Variants in ADGRD1 observed in about 807,000 individuals in gnomAD.
The protein encoded by ADGRD1 is adhesion G protein-coupled receptor D1.
ADGRD1 carries 77 observed loss-of-function variants against 113.4 expected under a neutral mutation model. That is an observed-to-expected ratio of 0.68 (90% CI 0.57 to 0.82). The LOEUF (loss-of-function observed/expected upper bound fraction) is 0.82, where lower values mean the gene tolerates loss of function less well. Ranked by LOEUF, ADGRD1 falls within the 40% of genes least tolerant of loss-of-function variation. ADGRD1 has a pLI of 0.00. For synonymous variants in ADGRD1, 474 were observed against 475.0 expected (o/e 1.00, Z 0.03); for missense variants, 1,036 against 1,139.1 (o/e 0.91, Z 1.30).
chr12:131,017,200 C>T (rs2136835167), intron 13 of ADGRD1, among the ~76,000 whole-genome samples: 1 of 152,158 alleles, frequency 6.6e-6, no homozygotes, highest in South Asian at 2.1e-4. Context: ...CACGCATACA[C>T]ACACATGCAC....
Position 131,041,029 on chromosome 12 carries a change from C to T in ADGRD1, c.1473+26689C>T, listed in dbSNP as rs1882083363. On this transcript the variant is annotated intron_variant, in intron 13 of 24. Coordinates refer to ENST00000261654, the MANE Select transcript of ADGRD1 (RefSeq NM_198827.5). This position sits in a 1 kb window ranked among gnomAD's most constrained non-coding sequence, Gnocchi z 4.4. ...GCCCCCCCGGAGTTTGCCATCATCC[C>T]CACCTGGATGGTCCCTGGGGACATC... is the stretch of plus-strand genomic sequence containing the variant. 6.6e-6 allele frequency among the ~76,000 whole-genome samples: 1 copy of T among 152,226 alleles called. No individual in the cohort carries two copies. The highest frequency in any genetic ancestry group is 1.9e-4 in the East Asian group (1 of 5,204).
At chr12:131,045,780 G>A (rs1259197260) in intron 13 of ADGRD1, among the ~76,000 whole-genome samples, 2 of 152,258 alleles carry the variant, frequency 1.3e-5, no homozygotes, top group Non-Finnish European at 1.5e-5. Context: ...GGCACCAGGC[G>A]GCCAGCGAGG....
At chr12:131,108,640 A>G in intron 17 of ADGRD1, 84 bp from the exon 18 acceptor site, 1 of 1,585,318 alleles carries the variant, frequency 6.3e-7, no homozygotes, top group African/African-American at 1.3e-5. Flanking sequence ...CACCCAGGAC[A>G]TGGATACTGG....
At chr12:131,062,951 A>G (rs12297369) in intron 13 of ADGRD1, among the ~76,000 whole-genome samples, 1 of 152,056 alleles carries the variant, frequency 6.6e-6, no homozygotes, top group Admixed American at 6.5e-5. Context: ...TGTTCTCATC[A>G]TGGTCTTAAT....
At position 130,965,662 on chromosome 12, in the gene ADGRD1, T is replaced by C. The variant is rs1870925461; in HGVS notation, c.104-801T>C. On this transcript the variant is annotated intron_variant, in intron 2 of 24. Transcript: ENST00000261654. The surrounding 1 kb of genome is among the most constrained non-coding windows in gnomAD (Gnocchi z 4.8). ...ATGGGGCAGCCACTCAAGAGACTGT[T>C]ACCCAAACTCAATTATGAGGGTTAG... Among the ~76,000 whole-genome samples, 1 of 152,240 alleles carries C rather than the reference T, an allele frequency of 6.6e-6. No individual in the cohort carries two copies. Among genetic ancestry groups the C allele is most frequent in the African/African-American group, 2.4e-5 (1 of 41,466 alleles).
chr12:131,107,557 C>T (rs572973330), intron 17 of ADGRD1, among the ~76,000 whole-genome samples: 11 of 152,126 alleles, frequency 7.2e-5, no homozygotes, highest in Non-Finnish European at 1.6e-4. Context: ...GGGTCAGAAT[C>T]CCAGGGAAGG....
chr12:131,133,213 G>T (rs1046257455), intron 21 of ADGRD1, among the ~76,000 whole-genome samples: 2 of 152,018 alleles, frequency 1.3e-5, no homozygotes, highest in South Asian at 2.1e-4. Context: ...AGCGTTCAGG[G>T]TCAGCCAGTC....
intron 14 of ADGRD1, among the ~76,000 whole-genome samples, chr12:131,082,714 G>A (rs948330701): frequency 2.0e-5 from 3 of 152,128 alleles, no homozygotes; most frequent in Non-Finnish European, 4.4e-5. Context: ...GGGTGGGGAG[G>A]GAGAGGAGGA....
intron 14 of ADGRD1, among the ~76,000 whole-genome samples, chr12:131,078,228 A>G (rs1018712599): frequency 1.3e-5 from 2 of 152,266 alleles, no homozygotes; most frequent in South Asian, 2.1e-4. Context: ...GCAGGTCGGC[A>G]TAATCTCCCT....
At chr12:131,029,673 C>T (rs578149827) in intron 13 of ADGRD1, among the ~76,000 whole-genome samples, 1 of 140,222 alleles carries the variant, frequency 7.1e-6, no homozygotes, top group African/African-American at 2.7e-5. Flanking sequence ...ATGGACCCCT[C>T]GTATGGTGAC....
At chr12:131,098,649 C>A (rs1949999562) in intron 15 of ADGRD1, among the ~76,000 whole-genome samples, 1 of 152,182 alleles carries the variant, frequency 6.6e-6, no homozygotes, top group Admixed American at 6.5e-5. Context: ...CAGGGCCTTT[C>A]TCAGATCATG....
chr12:131,045,034 T>C lies in ADGRD1; in HGVS notation c.1473+30694T>C, dbSNP rs142649309. The stretch of plus-strand genomic sequence containing the variant: ...GGCCGTGGTGCGCGTGCCGGTGGGT[T>C]TCTGCGGCGTGTGCCACGCAGTGGT... On this transcript the variant is annotated intron_variant, in intron 13 of 24. Transcript: ENST00000261654. Among the ~76,000 whole-genome samples the C allele has an allele frequency of 2.1e-3, 315 of 152,380 alleles. 2 individuals carry two copies. The highest frequency in any genetic ancestry group is 3.4e-3 in the Middle Eastern group (1 of 294).
intron 15 of ADGRD1, among the ~76,000 whole-genome samples, chr12:131,092,674 G>C (rs895770537): frequency 1.3e-5 from 2 of 152,148 alleles, no homozygotes; most frequent in Non-Finnish European, 2.9e-5. Flanking sequence ...CAGTACAGGA[G>C]CACCTGGGAA....
At chr12:131,088,481 C>T (rs980327045) in intron 15 of ADGRD1, among the ~76,000 whole-genome samples, 7 of 152,226 alleles carry the variant, frequency 4.6e-5, no homozygotes, top group Non-Finnish European at 4.4e-5. Context: ...CCAGGAGGGC[C>T]TGCCTGAGAA....
chr12:131,087,203 T>A (rs1019778039), intron 15 of ADGRD1, among the ~76,000 whole-genome samples: 2 of 152,210 alleles, frequency 1.3e-5, no homozygotes, highest in Admixed American at 6.5e-5. Context: ...CTGCACCAGC[T>A]TTTTTATGTG....
intron 4 of ADGRD1, among the ~76,000 whole-genome samples, chr12:130,980,023 C>G (rs192965217): frequency 6.6e-6 from 1 of 152,158 alleles, no homozygotes; most frequent in Non-Finnish European, 1.5e-5. Context: ...GCAGAGAGCC[C>G]GGCCCCCAGA....
intron 15 of ADGRD1, among the ~76,000 whole-genome samples, chr12:131,095,193 A>G (rs2137272388): frequency 6.6e-6 from 1 of 152,312 alleles, no homozygotes; most frequent in Middle Eastern, 3.4e-3. Flanking sequence ...CTGCACTTCG[A>G]GGTGGAGCAG....
At chr12:131,104,436 T>C (rs567405209) in intron 15 of ADGRD1, among the ~76,000 whole-genome samples, 10 of 152,300 alleles carry the variant, frequency 6.6e-5, no homozygotes, top group African/African-American at 1.4e-4. Flanking sequence ...ATGGCCCAGA[T>C]TGTCAGCCAG....
intron 4 of ADGRD1, among the ~76,000 whole-genome samples, chr12:130,976,239 C>T (rs777107053): frequency 3.3e-5 from 5 of 151,946 alleles, no homozygotes; most frequent in Admixed American, 1.3e-4. Flanking sequence ...CTTACTCAGG[C>T]GATCTGGGGT....
Sources: allele counts gnomAD v4.1 joint callset (sites outside exome capture counted in the v4.1 genomes callset), GRCh38; gene constraint gnomAD v4.1.1; non-coding constraint Gnocchi (gnomAD v3.1); transcripts MANE v1.5; gene names NCBI Gene and HGNC (gene_info 2026-07-23, HGNC 2026-07-21).